Variants in BANF2 observed in about 807,000 individuals in gnomAD.
BANF2 encodes the protein barrier-to-autointegration factor-like protein.
BANF2 carries 4 observed loss-of-function variants against 8.0 expected under a neutral mutation model. The ratio of observed to expected loss-of-function variants is 0.50; its 90% confidence interval spans 0.25 to 1.14. The LOEUF (loss-of-function observed/expected upper bound fraction) is 1.14, where lower values mean the gene tolerates loss of function less well. Among genes scored for constraint, BANF2 ranks in the 50% most tolerant of loss-of-function variants. BANF2 has a pLI of 0.16. For missense variants in BANF2, 96 were observed against 107.5 expected, an observed-to-expected ratio of 0.89 and a Z score of 0.47; for synonymous variants, 50 against 40.6, an observed-to-expected ratio of 1.23 and a Z score of -0.88.
intron 1 of BANF2, among the ~76,000 whole-genome samples, chr20:17,722,510 C>G (rs1339354230): frequency 6.6e-6 from 1 of 152,222 alleles, no homozygotes; most frequent in Non-Finnish European, 1.5e-5. Flanking sequence ...TCCCATAAAT[C>G]CATGGGTGCT....
In BANF2 at chr20:17,703,368, G is replaced by A. The variant is rs189161907; in HGVS notation, c.-167+3313G>A. Among the ~76,000 whole-genome samples, 296 of 152,316 alleles carry A rather than the reference G, an allele frequency of 1.9e-3. 2 individuals are homozygous for A. Among genetic ancestry groups the A allele is most frequent in the African/African-American group, 5.7e-3 (236 of 41,560 alleles). Reference sequence around the variant, plus strand: ...ACTCCATCTCTGTGCCTGGAACAGCGCCTGAGAGGCAGAAAGTGCTCAGTA... The same window carrying A: ...ACTCCATCTCTGTGCCTGGAACAGCACCTGAGAGGCAGAAAGTGCTCAGTA... On this transcript the variant is annotated intron_variant, in intron 1 of 3. Transcript: ENST00000246090.
intron 2 of BANF2, among the ~76,000 whole-genome samples, chr20:17,723,672 G>C (rs568760064): frequency 6.6e-6 from 1 of 152,132 alleles, no homozygotes; most frequent in East Asian, 1.9e-4. Context: ...ACATTCAAGC[G>C]GACAGCAGCA....
chr20:17,717,648 T>C (rs941331208), intron 1 of BANF2, among the ~76,000 whole-genome samples: 2 of 152,136 alleles, frequency 1.3e-5, no homozygotes, highest in Non-Finnish European at 2.9e-5. Flanking sequence ...AAGGTAGAAA[T>C]ATACCAATTT....
rs2037751361 is a variant in BANF2, at chr20:17,722,776, C to G, written c.-106C>G. The stretch of plus-strand genomic sequence containing the variant: ...GCCCCCTGACTTCCAAAATCAGTGC[C>G]TTTGGATTCATCTCTTCCGGGAGAG... On this transcript the variant is annotated 5_prime_UTR_variant, in exon 2 of 4. Coordinates refer to ENST00000246090, the MANE Select transcript of BANF2 (RefSeq NM_178477.5). 4.1e-6 allele frequency: 4 copies of G among 984,074 alleles called. No individual in the cohort carries two copies. The African/African-American group carries it at 7.0e-5, about 17-fold the overall frequency. 61.0% of individuals were successfully genotyped at this position (984,074 alleles called of 1,614,324 possible).
chr20:17,718,979 G>A (rs1600222252), intron 1 of BANF2, among the ~76,000 whole-genome samples: 2 of 152,276 alleles, frequency 1.3e-5, no homozygotes, highest in East Asian at 3.9e-4. Context: ...TTGTATGATG[G>A]CCAAGTGCTT....
chr20:17,708,530 C>T (rs1174183238), intron 1 of BANF2, among the ~76,000 whole-genome samples: 2 of 152,186 alleles, frequency 1.3e-5, no homozygotes, highest in Admixed American at 1.3e-4. Flanking sequence ...GGGTGGCCTC[C>T]TTTAGATGGG....
At chr20:17,723,090 T>C (rs1221023850) in intron 2 of BANF2, among the ~76,000 whole-genome samples, 1 of 152,176 alleles carries the variant, frequency 6.6e-6, no homozygotes, top group Non-Finnish European at 1.5e-5. Flanking sequence ...GTCATTCCTG[T>C]ATCATAGTCC....
upstream of BANF2, among the ~76,000 whole-genome samples, chr20:17,698,817 G>A (rs1258554882): frequency 2.0e-5 from 3 of 152,330 alleles, no homozygotes; most frequent in African/African-American, 7.2e-5. Context: ...TCAGTAAAGC[G>A]TGCTGGTTGA....
intron 1 of BANF2, among the ~76,000 whole-genome samples, chr20:17,710,256 C>A (rs73898394): frequency 2.0e-5 from 3 of 152,260 alleles, no homozygotes; most frequent in African/African-American, 7.2e-5. Context: ...GCAGGGACAG[C>A]GTCTGCTAAA....
chr20:17,710,171 C>T (rs1162603735), intron 1 of BANF2, among the ~76,000 whole-genome samples: 3 of 152,196 alleles, frequency 2.0e-5, no homozygotes, highest in Non-Finnish European at 4.4e-5. Context: ...CAAGGTGTCT[C>T]GTCCCCAGCC....
intron 2 of BANF2, among the ~76,000 whole-genome samples, chr20:17,724,235 G>T (rs2037772304): frequency 6.6e-6 from 1 of 152,228 alleles, no homozygotes. Context: ...CTAAGACAGA[G>T]AGTCTTTTTG....
intron 3 of BANF2, among the ~76,000 whole-genome samples, chr20:17,730,897 G>A (rs1022751801): frequency 5.3e-5 from 8 of 152,334 alleles, no homozygotes; most frequent in South Asian, 2.1e-4. Flanking sequence ...TTTCAGATAA[G>A]CAAATAATTT....
chr20:17,710,091 G>A (rs1032807192), intron 1 of BANF2, among the ~76,000 whole-genome samples: 5 of 152,202 alleles, frequency 3.3e-5, no homozygotes, highest in African/African-American at 9.6e-5. Context: ...AGGCCCCAGA[G>A]CTGTGCCACC....
intron 1 of BANF2, among the ~76,000 whole-genome samples, chr20:17,722,425 T>C (rs926270846): frequency 6.6e-6 from 1 of 152,238 alleles, no homozygotes; most frequent in Non-Finnish European, 1.5e-5. Flanking sequence ...CATGAGACTT[T>C]CAGGCTTTTC....
chr20:17,722,083 C>G (rs552950124), intron 1 of BANF2, among the ~76,000 whole-genome samples: 9 of 152,194 alleles, frequency 5.9e-5, no homozygotes, highest in African/African-American at 1.9e-4. Context: ...CCCAGTTGAG[C>G]ACCACTGTTG....
chr20:17,716,125 A>C (rs1458268128), intron 1 of BANF2, among the ~76,000 whole-genome samples: 1 of 152,104 alleles, frequency 6.6e-6, no homozygotes, highest in East Asian at 1.9e-4. Context: ...AGCGTGGTAC[A>C]CCCTGAAAAG....
At chr20:17,730,422 C>G (rs753106089) in intron 3 of BANF2, among the ~76,000 whole-genome samples, 1 of 152,220 alleles carries the variant, frequency 6.6e-6, no homozygotes, top group South Asian at 2.1e-4. Context: ...ACCTCCTTAC[C>G]GGCGAGGCTC....
At chr20:17,729,224 G>T (rs185997898) in intron 3 of BANF2, among the ~76,000 whole-genome samples, 2 of 152,094 alleles carry the variant, frequency 1.3e-5, no homozygotes, top group South Asian at 4.1e-4. Flanking sequence ...TCTCTGTCCC[G>T]CTGCCCCATC....
intron 3 of BANF2, among the ~76,000 whole-genome samples, chr20:17,727,323 C>T (rs1474871385): frequency 1.3e-5 from 2 of 152,246 alleles, no homozygotes; most frequent in African/African-American, 4.8e-5. Context: ...CGCTTTGAGC[C>T]GCCCACACCC....
Sources: allele counts gnomAD v4.1 joint callset (sites outside exome capture counted in the v4.1 genomes callset), GRCh38; gene constraint gnomAD v4.1.1; transcripts MANE v1.5; gene names NCBI Gene and HGNC (gene_info 2026-07-23, HGNC 2026-07-21).